Variants in BLTP1 observed in about 807,000 individuals in gnomAD.
BLTP1 encodes bridge-like lipid transfer protein family member 1.
chr4:122,340,585 G>T, the BLTP1 span: 3 of 256,644 alleles, frequency 1.2e-5, no homozygotes, highest in African/African-American at 6.9e-5. Context: ...TATTAATGGG[G>T]AAATGGTTAT....
the BLTP1 span, among the ~76,000 whole-genome samples, chr4:122,267,417 C>T: frequency 2.6e-5 from 4 of 152,006 alleles, no homozygotes; most frequent in African/African-American, 9.7e-5. Flanking sequence ...AAAGTAGTAG[C>T]CACATTTTCT....
the BLTP1 span, chr4:122,286,363 CTT>C: frequency 1.2e-6 from 1 of 809,334 alleles, no homozygotes; most frequent in Non-Finnish European, 1.5e-6. Flanking sequence ...TGCTGATTGA[CTT>C]GCGTATTTAA....
the BLTP1 span, among the ~76,000 whole-genome samples, chr4:122,159,247 A>C: frequency 2.6e-5 from 4 of 152,226 alleles, 1 homozygote; most frequent in South Asian, 8.3e-4. Context: ...GTGGATCATG[A>C]GGTCAGGAGA....
At chr4:122,251,504 G>A in the BLTP1 span, 2 of 955,700 alleles carry the variant, frequency 2.1e-6, no homozygotes, top group Non-Finnish European at 2.5e-6. Flanking sequence ...TTATTTTGGT[G>A]TCTTTGGAAA....
the BLTP1 span, among the ~76,000 whole-genome samples, chr4:122,184,076 T>C: frequency 4.6e-5 from 7 of 152,166 alleles, no homozygotes; most frequent in African/African-American, 1.7e-4. Flanking sequence ...ACAAATAGAC[T>C]GCAAGATTAA....
At chr4:122,231,051 G>T in the BLTP1 span, among the ~76,000 whole-genome samples, 1 of 152,008 alleles carries the variant, frequency 6.6e-6, no homozygotes, top group Non-Finnish European at 1.5e-5. Flanking sequence ...GTTTTATTTA[G>T]CCATTGCCCT....
the BLTP1 span, among the ~76,000 whole-genome samples, chr4:122,175,603 T>C: frequency 6.6e-6 from 1 of 152,220 alleles, no homozygotes; most frequent in Non-Finnish European, 1.5e-5. Flanking sequence ...ATGATAAATA[T>C]ATGCAATTTT....
At chr4:122,301,242 A>G in the BLTP1 span, 1,250 of 1,470,896 alleles carry the variant, frequency 8.5e-4, 6 homozygotes, top group African/African-American at 0.015. Context: ...TTAATGCACA[A>G]AATAGTTATT....
chr4:122,308,226 A>C, the BLTP1 span: 1 of 1,538,414 alleles, frequency 6.5e-7, no homozygotes, highest in African/African-American at 1.4e-5. Context: ...ATTTCTAAGT[A>C]TTTAGAATAT....
chr4:122,273,117 G>T, the BLTP1 span: 1 of 650,954 alleles, frequency 1.5e-6, no homozygotes, highest in Non-Finnish European at 1.9e-6. Flanking sequence ...TTTTCTGGTT[G>T]TGAAAATAAC....
the BLTP1 span, among the ~76,000 whole-genome samples, chr4:122,330,547 A>G: frequency 6.6e-6 from 1 of 151,884 alleles, no homozygotes; most frequent in Admixed American, 6.6e-5. Context: ...TTAAGTTCTT[A>G]GCCAATTATT....
At chr4:122,173,138 G>T in the BLTP1 span, 2 of 1,610,610 alleles carry the variant, frequency 1.2e-6, no homozygotes, top group Admixed American at 1.7e-5. Flanking sequence ...TACAAGCATG[G>T]CTATATCCAT....
At chr4:122,220,446 T>C in the BLTP1 span, 1 of 1,611,782 alleles carries the variant, frequency 6.2e-7, no homozygotes, top group African/African-American at 1.3e-5. Flanking sequence ...CACCCCTGAA[T>C]GTGTTTGTCA....
the BLTP1 span, chr4:122,290,010 G>A: frequency 6.4e-6 from 1 of 155,468 alleles, no homozygotes; most frequent in East Asian, 1.9e-4. Flanking sequence ...GAAAGGAGAG[G>A]TAGAGAGGAC....
chr4:122,350,729 T>C, the BLTP1 span, among the ~76,000 whole-genome samples: 2 of 152,166 alleles, frequency 1.3e-5, no homozygotes, highest in Non-Finnish European at 2.9e-5. Flanking sequence ...GAAATGTGAA[T>C]GAAAGAACAA....
the BLTP1 span, chr4:122,246,366 C>T: frequency 7.6e-7 from 1 of 1,319,788 alleles, no homozygotes. Context: ...TTGTCCTTTT[C>T]AGTTACCAAC....
the BLTP1 span, among the ~76,000 whole-genome samples, chr4:122,188,587 A>G: frequency 6.6e-6 from 1 of 151,534 alleles, no homozygotes; most frequent in South Asian, 2.1e-4. Flanking sequence ...CCAAACTGTC[A>G]GTTTTCCATC....
the BLTP1 span, chr4:122,331,279 G>T: frequency 6.5e-7 from 1 of 1,544,946 alleles, no homozygotes; most frequent in Non-Finnish European, 8.7e-7. Context: ...TTGTTAAAAA[G>T]AACTCTCATT....
chr4:122,312,751 T>G, the BLTP1 span: 7 of 679,850 alleles, frequency 1.0e-5, no homozygotes, highest in African/African-American at 1.4e-4. Flanking sequence ...CCTTTTGAAA[T>G]TTTTCAAAGA....
Sources: allele counts gnomAD v4.1 joint callset (sites outside exome capture counted in the v4.1 genomes callset), GRCh38; gene constraint gnomAD v4.1.1; transcripts MANE v1.5; gene names NCBI Gene and HGNC (gene_info 2026-07-23, HGNC 2026-07-21).